The following FOXP1 variants were observed in gnomAD, a reference collection of about 807,000 sequenced individuals.
FOXP1 encodes the protein forkhead box protein P1.
In FOXP1, 15 loss-of-function variants were observed where a neutral mutation model predicts 98.2. The ratio of observed to expected loss-of-function variants is 0.15; its 90% CI spans 0.10 to 0.24. FOXP1 has a LOEUF of 0.24. Ranked by LOEUF, FOXP1 falls within the 10% of genes least tolerant of loss-of-function variation. FOXP1 has a pLI of 1.00. For missense variants in FOXP1, 633 were observed against 848.5 expected, an observed-to-expected ratio of 0.75 and a Z score of 3.15; for synonymous variants, 371 against 314.5, an observed-to-expected ratio of 1.18 and a Z score of -1.90.
At chr3:71,354,150 C>CAAAAAAAA (rs541215729) in intron 4 of FOXP1, among the ~76,000 whole-genome samples, 2 of 129,092 alleles carry the variant, frequency 1.5e-5, no homozygotes, top group African/African-American at 6.1e-5. Flanking sequence ...ATTAAAAATA[C>CAAAAAAAA]AAAAAAAAAA....
intron 1 of FOXP1, chr3:71,582,153 T>A: frequency 1.0e-6 from 1 of 970,900 alleles, no homozygotes; most frequent in Non-Finnish European, 1.2e-6. Flanking sequence ...GGAGCGGAGC[T>A]CCCCAGAGCC....
intron 5 of FOXP1, among the ~76,000 whole-genome samples, chr3:71,204,716 C>T (rs2063907533): frequency 6.7e-6 from 1 of 150,024 alleles, no homozygotes; most frequent in Non-Finnish European, 1.5e-5. Context: ...TGTAGAGTTA[C>T]TGTCTACAAA....
chr3:71,290,923 G>C (rs937230341), intron 5 of FOXP1, among the ~76,000 whole-genome samples: 1 of 152,152 alleles, frequency 6.6e-6, no homozygotes, highest in Non-Finnish European at 1.5e-5. Flanking sequence ...TACTCAACCT[G>C]TACTCTTCCC....
At chr3:71,034,415 G>A (rs2047308660) in intron 11 of FOXP1, among the ~76,000 whole-genome samples, 1 of 151,982 alleles carries the variant, frequency 6.6e-6, no homozygotes, top group African/African-American at 2.4e-5. Flanking sequence ...GTCCCTGTAT[G>A]GTCACTAACT....
chr3:71,297,117 A>G (rs2073376593), intron 5 of FOXP1, among the ~76,000 whole-genome samples: 1 of 152,242 alleles, frequency 6.6e-6, no homozygotes, highest in Non-Finnish European at 1.5e-5. Context: ...AAGACAACAA[A>G]AAAAGCTGAA....
chr3:71,049,239 TC>T (rs1279341051), intron 9 of FOXP1, among the ~76,000 whole-genome samples: 3 of 152,160 alleles, frequency 2.0e-5, no homozygotes, highest in Non-Finnish European at 4.4e-5. Context: ...CTTCGGCTAC[TC>T]CCTACTGCCT....
chr3:71,239,373 T>C (rs1176610266), intron 5 of FOXP1, among the ~76,000 whole-genome samples: 1 of 151,840 alleles, frequency 6.6e-6, no homozygotes, highest in African/African-American at 2.4e-5. Context: ...TGAAACCCCG[T>C]CTCTACTAAA....
intron 11 of FOXP1, among the ~76,000 whole-genome samples, chr3:71,020,911 A>G (rs2045336241): frequency 6.6e-6 from 1 of 152,146 alleles, no homozygotes; most frequent in Admixed American, 6.5e-5. Context: ...CACAAACACC[A>G]AAAAAACGAA....
rs1471370521 is a variant in FOXP1, at chr3:70,955,353, ACT to A, written c.*3892_*3893del. 4.3e-6 allele frequency: 1 copy of A among 232,620 alleles called. No individual in the cohort carries two copies. The highest frequency in any genetic ancestry group is 2.2e-5 in the African/African-American group (1 of 45,250). 14.4% of individuals were successfully genotyped at this position (232,620 alleles called of 1,614,324 possible). On this transcript the variant is annotated 3_prime_UTR_variant, in exon 21 of 21. Transcript: ENST00000649528. Reference sequence around the variant, plus strand: ...TCCAAAGGTGGCAGGACTGGTGGTAACTCTTCACGTATGTACATAAGCCTTGA... The same window carrying A: ...TCCAAAGGTGGCAGGACTGGTGGTAACTTCACGTATGTACATAAGCCTTGA...
In FOXP1 at chr3:71,255,397, A is replaced by G. The variant is rs144618138; in HGVS notation, c.-12+44423T>C. 4.4e-3 allele frequency among the ~76,000 whole-genome samples: 665 copies of G among 152,290 alleles called. 2 individuals carry two copies. The highest frequency in any genetic ancestry group is 0.027 in the Middle Eastern group (8 of 294). ...GGGGGAGAGTTAAGCCTAACCCTCT[A>G]AAATGAAGTTTTAAAAAAATACCTA... On this transcript the variant is annotated intron_variant, in intron 5 of 20. Coordinates refer to ENST00000649528, the MANE Select transcript of FOXP1 (RefSeq NM_001349338.3).
At chr3:71,490,479 C>G (rs1365264912) in intron 3 of FOXP1, among the ~76,000 whole-genome samples, 1 of 150,414 alleles carries the variant, frequency 6.6e-6, no homozygotes, top group Non-Finnish European at 1.5e-5. Flanking sequence ...GCCTGGGTGA[C>G]AAGAGCAAAA....
intron 3 of FOXP1, among the ~76,000 whole-genome samples, chr3:71,363,650 G>A (rs1201688254): frequency 6.6e-6 from 1 of 152,174 alleles, no homozygotes; most frequent in East Asian, 1.9e-4. Flanking sequence ...GTTTATGTAT[G>A]GTAAACATTT....
At chr3:71,433,535 C>T (rs2084927062) in intron 3 of FOXP1, among the ~76,000 whole-genome samples, 1 of 152,132 alleles carries the variant, frequency 6.6e-6, no homozygotes, top group African/African-American at 2.4e-5. Flanking sequence ...GCAGGGGAGA[C>T]TTTGAATAAT....
At chr3:71,112,135 G>A (rs1441045918) in intron 7 of FOXP1, among the ~76,000 whole-genome samples, 5 of 151,346 alleles carry the variant, frequency 3.3e-5, no homozygotes, top group Admixed American at 1.3e-4. Flanking sequence ...TGGGGGGGTC[G>A]CCAAAATCTT....
intron 5 of FOXP1, among the ~76,000 whole-genome samples, chr3:71,280,962 G>A (rs1340065289): frequency 2.1e-5 from 3 of 146,160 alleles, no homozygotes; most frequent in East Asian, 2.0e-4. Flanking sequence ...GAAGATATAC[G>A]AAGCAGCCCT....
chr3:71,058,582 G>C (rs949553684), intron 7 of FOXP1, among the ~76,000 whole-genome samples: 1 of 147,170 alleles, frequency 6.8e-6, no homozygotes, highest in African/African-American at 2.5e-5. Flanking sequence ...AGAGAAAATA[G>C]CTCCATTAAA....
intron 2 of FOXP1, among the ~76,000 whole-genome samples, chr3:71,524,877 C>G (rs759251965): frequency 1.3e-5 from 2 of 152,284 alleles, no homozygotes; most frequent in Non-Finnish European, 2.9e-5. Context: ...GTCACAGGGT[C>G]AAAGGGAGTA....
chr3:71,023,887 C>T (rs1009013198), intron 11 of FOXP1, among the ~76,000 whole-genome samples: 5 of 152,300 alleles, frequency 3.3e-5, no homozygotes, highest in South Asian at 2.1e-4. Context: ...CCAAACTAGA[C>T]GAGCTGGCCT....
intron 13 of FOXP1, among the ~76,000 whole-genome samples, chr3:70,991,037 C>T (rs748147849): frequency 7.5e-5 from 11 of 146,034 alleles, no homozygotes; most frequent in Admixed American, 2.1e-4. Flanking sequence ...TTTATGAATG[C>T]TCAACAACTT....
Sources: gnomAD v4.1 joint callset for allele counts (sites outside exome capture counted in the v4.1 genomes callset) on GRCh38, gnomAD v4.1.1 for gene constraint, MANE v1.5 for transcripts, NCBI Gene and HGNC (gene_info 2026-07-23, HGNC 2026-07-21) for gene names.